NOL9: variants seen among roughly 807,000 people sequenced by gnomAD.
NOL9 encodes the protein nucleolar protein 9.
A neutral mutation model predicts 67.9 loss-of-function variants in NOL9; 28 were observed. That is an observed-to-expected ratio of 0.41 (90% CI 0.31 to 0.57). The LOEUF is 0.57. NOL9 is among the 20% of genes least tolerant of loss of function. The pLI, the probability that NOL9 is intolerant of heterozygous loss-of-function variation, is 0.25. For synonymous variants in NOL9, 356 were observed against 352.2 expected (o/e 1.01, Z -0.12); for missense variants, 777 against 897.0 (o/e 0.87, Z 1.71).
In NOL9 at chr1:6,523,878, AG is replaced by A. The variant is rs1489951748; in HGVS notation, c.*1975del. 6.6e-6 allele frequency: 1 copy of A among 152,238 alleles called. No homozygotes were observed. Among genetic ancestry groups the A allele is most frequent in the Non-Finnish European group, 1.5e-5 (1 of 68,052 alleles). The allele number at this position is 152,238 out of a possible 1,614,324, so 9.4% of individuals were successfully genotyped here. A position where few individuals can be genotyped will look rare whatever the true frequency, so the allele number is the denominator to read the frequency against. On this transcript the variant is annotated 3_prime_UTR_variant, in exon 12 of 12. Transcript: ENST00000377705. ...TGACCTTCATACAGGCCGCATTTAA[AG>A]CCTGAAGGCAAACCTAGATTGAATG...
In NOL9 at chr1:6,538,878, A is replaced by C. The variant is rs868557993; in HGVS notation, c.1075+2952T>G. Among the ~76,000 whole-genome samples, 11 of 152,294 alleles carry C rather than the reference A, an allele frequency of 7.2e-5. No homozygotes were observed. The South Asian group carries it at 8.3e-4, about 11-fold the overall frequency. On this transcript the variant is annotated intron_variant, in intron 6 of 11. Transcript: ENST00000377705. ...TTCCAGCTACTTGGGAGGCTGAGGC[A>C]GGAGAACTGCTTGAACCCGGGAGGT...
intron 6 of NOL9, 44 bp from the exon 7 acceptor site, chr1:6,533,485 T>C (rs765615546): frequency 2.1e-6 from 3 of 1,460,202 alleles, no homozygotes; most frequent in Non-Finnish European, 2.8e-6. Flanking sequence ...AGGTGAGTGA[T>C]CAATCCTGGC....
intron 5 of NOL9, among the ~76,000 whole-genome samples, chr1:6,543,364 GT>G (rs997650480): frequency 1.3e-4 from 19 of 151,928 alleles, no homozygotes; most frequent in Admixed American, 6.6e-5. Flanking sequence ...CCCAGCTAAT[GT>G]TTTGTATTTT....
chr1:6,549,733 T>G (rs1639501284), intron 2 of NOL9, 35 bp from the exon 3 acceptor site: 1 of 1,568,768 alleles, frequency 6.4e-7, no homozygotes, highest in African/African-American at 1.8e-5. Context: ...TTAGAAGCAG[T>G]AACTTCATTA....
In NOL9 at chr1:6,545,051, A is replaced by G. The variant is rs765787814; in HGVS notation, c.874T>C (p.Ser292Pro). The G allele has an allele frequency of 4.9e-5, 79 of 1,614,076 alleles. No homozygotes were observed. The highest frequency in any genetic ancestry group is 6.1e-5 in the Non-Finnish European group (72 of 1,180,046). ...LSALEELVNV[S>P]CEEVDGCPVI... ...ATCAATGTGTATTACTCACCACAGG[A>G]AACATTGACTAACTCTTCCAGGGCT... Residue 292 changes from serine to proline, a missense_variant, in exon 4 of 12, where the codon TCC (serine) becomes CCC (proline). This residue lies in a region of NOL9 where 413 missense variants were observed against 552.6 expected (regional missense o/e 0.75). Transcript: ENST00000377705.
At chr1:6,543,926 G>C (rs1457864639) in intron 5 of NOL9, among the ~76,000 whole-genome samples, 1 of 152,164 alleles carries the variant, frequency 6.6e-6, no homozygotes, top group Non-Finnish European at 1.5e-5. Flanking sequence ...AGGATTTCGA[G>C]ATCAGCCTAA....
At chr1:6,528,724 G>A (rs553003114) in intron 10 of NOL9, among the ~76,000 whole-genome samples, 1 of 152,354 alleles carries the variant, frequency 6.6e-6, no homozygotes, top group Non-Finnish European at 1.5e-5. Flanking sequence ...AGCAGTGACT[G>A]AGACAGCCTA....
In NOL9 at chr1:6,543,712, A is replaced by G. The variant is rs12026673; in HGVS notation, c.977+1114T>C. ...AATTTCAGATCTGGCATGGTGGCTTATATCTGTAATCCCAGCACTTTGTGA... is the reference window on the plus strand; with the variant it reads ...AATTTCAGATCTGGCATGGTGGCTTGTATCTGTAATCCCAGCACTTTGTGA... On this transcript the variant is annotated intron_variant, in intron 5 of 11. Transcript: ENST00000377705. Among the ~76,000 whole-genome samples, 601 of 152,308 alleles carry G rather than the reference A, an allele frequency of 3.9e-3. 5 individuals are homozygous for G. The highest frequency in any genetic ancestry group is 0.035 in the East Asian group (182 of 5,174).
intron 2 of NOL9, 34 bp downstream of exon 2, chr1:6,550,362 G>T (rs1639518890): frequency 6.4e-7 from 1 of 1,562,542 alleles, no homozygotes; most frequent in African/African-American, 1.4e-5. Context: ...TATTACAGTA[G>T]GCCCTCAGTA....
intron 1 of NOL9, among the ~76,000 whole-genome samples, chr1:6,552,088 T>G (rs1639554830): frequency 6.6e-6 from 1 of 152,144 alleles, no homozygotes. Context: ...TCAGTGGGAT[T>G]TGAACCATGA....
At chr1:6,547,612 G>C (rs1040019518) in intron 3 of NOL9, among the ~76,000 whole-genome samples, 17 of 152,080 alleles carry the variant, frequency 1.1e-4, no homozygotes, top group Non-Finnish European at 2.2e-4. Context: ...TGTAATCTCA[G>C]CACTTTTGGA....
At position 6,532,470 on chromosome 1, in the gene NOL9, T is replaced by C. The variant is rs774941561; in HGVS notation, c.1528A>G (p.Arg510Gly). 2 of 1,605,742 alleles carry C rather than the reference T, an allele frequency of 1.2e-6. No homozygotes were observed. ...YTDFAFRITP[R>G]NRESHNKILR... ...CAAATGAGGGTTAGTTACCTATTTC[T>C]TGGAGTTATTCTGAATGCAAAGTCT... Residue 510 changes from arginine (R) to glycine (G), a missense_variant, in exon 8 of 12, where the codon AGA (arginine) becomes GGA (glycine). Arg to Gly is a moderately radical substitution (Grantham distance 125). Coordinates refer to ENST00000377705, the MANE Select transcript of NOL9 (RefSeq NM_024654.5).
At chr1:6,551,491 TC>T (rs760902524) in intron 1 of NOL9, among the ~76,000 whole-genome samples, 14 of 148,050 alleles carry the variant, frequency 9.5e-5, no homozygotes, top group Non-Finnish European at 1.8e-4. Flanking sequence ...TCCCAGCTAC[TC>T]CAGAGGCTGA....
Position 6,525,653 on chromosome 1 carries a change from A to T in NOL9, c.*201T>A, listed in dbSNP as rs1638867105. 1 of 609,830 alleles carries T rather than the reference A, an allele frequency of 1.6e-6. No homozygotes were observed. The highest frequency in any genetic ancestry group is 2.8e-5 in the East Asian group (1 of 36,026). 37.8% of individuals were successfully genotyped at this position (609,830 alleles called of 1,614,324 possible). A position where few individuals can be genotyped will look rare whatever the true frequency, so the allele number is the denominator to read the frequency against. ...GACAGCAAGTATGAGTATCACACAG[A>T]AGACTAGAACAAATTCTAGCTCATG... On this transcript the variant is annotated 3_prime_UTR_variant, in exon 12 of 12. Coordinates refer to ENST00000377705, the MANE Select transcript of NOL9 (RefSeq NM_024654.5).
intron 8 of NOL9, 53 bp from the exon 9 acceptor site, chr1:6,532,132 C>T: frequency 7.6e-7 from 1 of 1,309,472 alleles, no homozygotes; most frequent in South Asian, 1.2e-5. Flanking sequence ...CAACGGCCAC[C>T]TCCCACACCT....
At chr1:6,534,654 T>A (rs1268003930) in intron 6 of NOL9, among the ~76,000 whole-genome samples, 2 of 152,192 alleles carry the variant, frequency 1.3e-5, no homozygotes, top group African/African-American at 4.8e-5. Flanking sequence ...AAATATATTG[T>A]AAATAATCAT....
rs1453753434 is a variant in NOL9 at position 6,544,856 on chromosome 1, T to C, written c.947A>G (p.Asn316Ser). ...GSQDVGKSTF[N>S]RYLINHLLNS... ...TAACAAATGGTTAATCAGGTATCTA[T>C]TAAATGTTGACTTTCCAACATCCTG... Residue 316 changes from asparagine to serine, a missense_variant, in exon 5 of 12, where the codon AAT (asparagine) becomes AGT (serine). By Grantham distance (46) the Asn-to-Ser change is conservative (BLOSUM62 1). Transcript: ENST00000377705. 3 of 1,614,098 alleles carry C rather than the reference T, an allele frequency of 1.9e-6. No individual in the cohort carries two copies. Among genetic ancestry groups the C allele is most frequent in the Non-Finnish European group, 1.7e-6 (2 of 1,180,046 alleles).
In NOL9 at chr1:6,549,651, C is replaced by A. The variant is rs1639498159; in HGVS notation, c.664G>T (p.Val222Leu). ...MQNFSPQCSI[V>L]LLEHLKTATV... is the part of the protein sequence containing the mutation. ...GCAGTTTTCAGATGTTCTAGCAACACAATGGAACACTGAGGAGAAAAATTC... is the reference window on the plus strand; with the variant it reads ...GCAGTTTTCAGATGTTCTAGCAACAAAATGGAACACTGAGGAGAAAAATTC... The change falls in exon 3 of 12, where the codon GTG becomes TTG. Residue 222 changes from valine (V) to leucine (L), a missense_variant. Transcript: ENST00000377705. 6.2e-7 allele frequency: 1 copy of A among 1,614,000 alleles called. No homozygotes were observed.
At chr1:6,551,184 C>T (rs1639536654) in intron 1 of NOL9, among the ~76,000 whole-genome samples, 2 of 151,922 alleles carry the variant, frequency 1.3e-5, no homozygotes, top group African/African-American at 4.8e-5. Flanking sequence ...AGTGGCATGC[C>T]TCTGTGGTCC....
Sources: gnomAD v4.1 joint callset for allele counts (sites outside exome capture counted in the v4.1 genomes callset) on GRCh38, gnomAD v4.1.1 for gene constraint, gnomAD v4.1.1 regional missense constraint, MANE v1.5 for transcripts, NCBI Gene and HGNC (gene_info 2026-07-23, HGNC 2026-07-21) for gene names.